The following NEK7 variants were observed in gnomAD, a reference collection of about 807,000 sequenced individuals.
NEK7 encodes the protein serine/threonine-protein kinase Nek7.
Under a neutral mutation model 44.6 loss-of-function variants are expected in NEK7, and 18 were observed. The observed-to-expected ratio is 0.40, with a 90% confidence interval of 0.28 to 0.60. The LOEUF (loss-of-function observed/expected upper bound fraction) is 0.60, where lower values mean the gene tolerates loss of function less well. Ranked by LOEUF, NEK7 falls within the 20% of genes least tolerant of loss-of-function variation. The probability of loss-of-function intolerance (pLI) is 0.38; values close to 1 mark genes in which losing one functional copy is unlikely to be tolerated. For synonymous variants in NEK7, 130 were observed against 121.1 expected (o/e 1.07, Z -0.48); for missense variants, 256 against 366.5 (o/e 0.70, Z 2.46).
At chr1:198,314,560 G>T (rs1208404997) in intron 9 of NEK7, among the ~76,000 whole-genome samples, 1 of 152,070 alleles carries the variant, frequency 6.6e-6, no homozygotes, top group Non-Finnish European at 1.5e-5. Context: ...CCATCTTTGT[G>T]GTTTTATCTA....
chr1:198,239,918 T>C (rs2102890057), intron 2 of NEK7, among the ~76,000 whole-genome samples: 1 of 152,280 alleles, frequency 6.6e-6, no homozygotes, highest in Admixed American at 6.5e-5. Flanking sequence ...GCTCCTAGTC[T>C]ACAAAGCTGC....
chr1:198,170,195 G>A (rs1440958679), intron 1 of NEK7, among the ~76,000 whole-genome samples: 2 of 152,164 alleles, frequency 1.3e-5, no homozygotes, highest in Non-Finnish European at 2.9e-5. Flanking sequence ...TCTGAATTCT[G>A]AATTCCAAGG....
intron 5 of NEK7, among the ~76,000 whole-genome samples, chr1:198,271,905 T>TTATATATATATATATATATATATA (rs34354855): frequency 2.2e-4 from 31 of 141,316 alleles, no homozygotes; most frequent in Admixed American, 1.4e-4. Flanking sequence ...AATTTATATT[T>TTATATATATATATATATATATATA]TATATATATA....
intron 8 of NEK7, among the ~76,000 whole-genome samples, chr1:198,293,621 G>C (rs1489266961): frequency 1.3e-5 from 2 of 151,842 alleles, no homozygotes; most frequent in African/African-American, 4.8e-5. Flanking sequence ...CTCTAGAAAT[G>C]TTGCACTGTA....
At chr1:198,169,692 C>A (rs1447614943) in intron 1 of NEK7, among the ~76,000 whole-genome samples, 1 of 151,048 alleles carries the variant, frequency 6.6e-6, no homozygotes, top group Non-Finnish European at 1.5e-5. Flanking sequence ...ACTGTTCAAT[C>A]TCAGTGCATT....
At chr1:198,240,043 C>CA (rs1184057124) in intron 2 of NEK7, among the ~76,000 whole-genome samples, 2 of 152,070 alleles carry the variant, frequency 1.3e-5, no homozygotes, top group Non-Finnish European at 2.9e-5. Context: ...ATCTTATGGC[C>CA]AGACATTCCT....
chr1:198,296,325 G>A (rs1347260011), intron 8 of NEK7, among the ~76,000 whole-genome samples: 1 of 152,150 alleles, frequency 6.6e-6, no homozygotes, highest in Non-Finnish European at 1.5e-5. Context: ...AACAGGATGC[G>A]AACATTTTAA....
chr1:198,279,033 C>T lies in NEK7; in HGVS notation c.561C>T (p.Ser187=), dbSNP rs775669415. 53 of 1,609,068 alleles carry T rather than the reference C, an allele frequency of 3.3e-5. No individual in the cohort carries two copies. Among genetic ancestry groups the T allele is most frequent in the Middle Eastern group, 1.7e-4 (1 of 6,034 alleles). ...ATCTTGGGCTTGGCCGGTTTTTCAG[C>T]TCAAAAACCACAGCTGCACATTCTT... ...LGDLGLGRFF[S]SKTTAAHSLV... is the part of the protein sequence containing the mutation. Residue 187 remains serine, a synonymous_variant, in exon 7 of 10, where the codon AGC becomes AGT. Coordinates refer to ENST00000367385, the MANE Select transcript of NEK7 (RefSeq NM_133494.3).
rs538713031 is a variant in NEK7, at chr1:198,239,367, T to C, written c.57+6730T>C. Among the ~76,000 whole-genome samples, 28 of 152,288 alleles carry C rather than the reference T, an allele frequency of 1.8e-4. 1 individual carries two copies. In the South Asian group the frequency reaches 5.8e-3, roughly 32 times the overall value. ...TTCAGCCATTTGTTGATTATAACCA[T>C]GCTTTTTTCATCTCCAAGGTGGTAA... On this transcript the variant is annotated intron_variant, in intron 2 of 9. Coordinates refer to ENST00000367385, the MANE Select transcript of NEK7 (RefSeq NM_133494.3).
chr1:198,192,295 T>C (rs1246635769), intron 1 of NEK7, among the ~76,000 whole-genome samples: 1 of 151,798 alleles, frequency 6.6e-6, no homozygotes, highest in Non-Finnish European at 1.5e-5. Context: ...TTTTTTTAAT[T>C]GATCAGTCTC....
intron 5 of NEK7, among the ~76,000 whole-genome samples, chr1:198,274,607 A>G (rs1037817565): frequency 1.3e-5 from 2 of 151,796 alleles, no homozygotes; most frequent in Non-Finnish European, 3.0e-5. Flanking sequence ...ATGCTGGGTA[A>G]TATCACTGAA....
chr1:198,178,215 G>T (rs1244057900), intron 1 of NEK7, among the ~76,000 whole-genome samples: 2 of 152,038 alleles, frequency 1.3e-5, no homozygotes, highest in Non-Finnish European at 2.9e-5. Context: ...CACTAAATAA[G>T]AGAAAGAACA....
intron 1 of NEK7, among the ~76,000 whole-genome samples, chr1:198,169,197 T>C (rs1664357783): frequency 6.6e-6 from 1 of 152,226 alleles, no homozygotes; most frequent in African/African-American, 2.4e-5. Context: ...TAGTAACTCC[T>C]TCATCTACTG....
chr1:198,222,920 G>A (rs976158158), intron 1 of NEK7, among the ~76,000 whole-genome samples: 1 of 152,086 alleles, frequency 6.6e-6, no homozygotes, highest in Non-Finnish European at 1.5e-5. Flanking sequence ...TTTGGCGAGG[G>A]CAGTTAGGGT....
In NEK7 at chr1:198,157,290, C is replaced by T. The variant is rs1247166721; in HGVS notation, c.-29+14C>T. 3 of 152,104 alleles carry T rather than the reference C, an allele frequency of 2.0e-5. No individual in the cohort carries two copies. The highest frequency in any genetic ancestry group is 6.5e-5 in the Admixed American group (1 of 15,282). 9.4% of individuals were successfully genotyped at this position (152,104 alleles called of 1,614,324 possible). ...CCCAACTTCCTGGTGAGTCGCTGCC[C>T]AGGGTTCAGGCGCCCGGACCGGGCA... On this transcript the variant is annotated intron_variant, in intron 1 of 9. Transcript: ENST00000367385.
At chr1:198,301,788 G>C (rs1654892955) in intron 9 of NEK7, among the ~76,000 whole-genome samples, 2 of 152,198 alleles carry the variant, frequency 1.3e-5, no homozygotes, top group South Asian at 4.1e-4. Flanking sequence ...ACATTGGAAA[G>C]ACGGTTAAAA....
intron 1 of NEK7, among the ~76,000 whole-genome samples, chr1:198,187,737 T>C (rs1178878288): frequency 2.6e-5 from 4 of 152,164 alleles, no homozygotes. Context: ...AAAAGAACCA[T>C]ACAAGTTTGG....
At chr1:198,232,468 A>G (rs1292239443) in intron 1 of NEK7, 85 bp from the exon 2 acceptor site, 7 of 647,068 alleles carry the variant, frequency 1.1e-5, no homozygotes, top group Non-Finnish European at 1.7e-5. Context: ...AATCTCTAGC[A>G]TTTGAATGCA....
intron 2 of NEK7, among the ~76,000 whole-genome samples, chr1:198,252,528 CTATATATATA>C (rs1162099133): frequency 1.3e-3 from 41 of 32,698 alleles, no homozygotes; most frequent in South Asian, 2.7e-3. Flanking sequence ...ATCTCACATA[CTATATATATA>C]TATATATATA....
Sources: gnomAD v4.1 joint callset for allele counts (sites outside exome capture counted in the v4.1 genomes callset) on GRCh38, gnomAD v4.1.1 for gene constraint, MANE v1.5 for transcripts, NCBI Gene and HGNC (gene_info 2026-07-23, HGNC 2026-07-21) for gene names.